Variants in GAD2 observed in about 807,000 individuals in gnomAD.
GAD2 encodes the protein 65 kDa glutamic acid decarboxylase.
Under a neutral mutation model 80.1 loss-of-function variants are expected in GAD2, and 22 were observed. The observed-to-expected ratio is 0.27, with a 90% confidence interval of 0.20 to 0.39. The LOEUF is 0.39. Ranked by LOEUF, GAD2 falls within the 10% of genes least tolerant of loss-of-function variation. The pLI, the probability that GAD2 is intolerant of heterozygous loss-of-function variation, is 1.00. For synonymous variants in GAD2, 274 were observed against 256.9 expected, an observed-to-expected ratio of 1.07 and a Z score of -0.64; for missense variants, 624 against 738.4, an observed-to-expected ratio of 0.85 and a Z score of 1.80.
At chr10:26,230,901 A>G (rs1385754593) in intron 7 of GAD2, among the ~76,000 whole-genome samples, 2 of 152,078 alleles carry the variant, frequency 1.3e-5, no homozygotes, top group African/African-American at 4.8e-5. Context: ...CAGCCTGACC[A>G]ACATGGTGAA....
chr10:26,254,200 C>A (rs1844917014), intron 8 of GAD2, among the ~76,000 whole-genome samples: 1 of 152,150 alleles, frequency 6.6e-6, no homozygotes, highest in African/African-American at 2.4e-5. Flanking sequence ...GCACGCCTGG[C>A]TAATTTTTTT....
At chr10:26,292,265 A>G (rs147341634) in intron 13 of GAD2, among the ~76,000 whole-genome samples, 200 bp from the exon 14 acceptor site, 20 of 152,312 alleles carry the variant, frequency 1.3e-4, no homozygotes, top group Non-Finnish European at 2.8e-4. Flanking sequence ...AGAAAGCAGT[A>G]ATGAAAGGGA....
At chr10:26,255,759 T>C (rs1048318262) in intron 8 of GAD2, among the ~76,000 whole-genome samples, 2 of 152,274 alleles carry the variant, frequency 1.3e-5, no homozygotes, top group African/African-American at 2.4e-5. Context: ...TTATTGAGTT[T>C]CCTAGTCTTT....
chr10:26,256,691 T>G (rs573208624), intron 8 of GAD2, among the ~76,000 whole-genome samples: 1 of 152,242 alleles, frequency 6.6e-6, no homozygotes, highest in Non-Finnish European at 1.5e-5. Flanking sequence ...GAGGTGAAGT[T>G]TGGCTTTCTT....
chr10:26,217,033 G>A lies in GAD2; in HGVS notation c.76+148G>A, dbSNP rs1352098088. ...CCTGCTTTTGGGCTAAGTCCTTGAC[G>A]GCCCAAGAGCTCAAGACCTCTACAG... On this transcript the variant is annotated intron_variant, in intron 1 of 15. Coordinates refer to ENST00000376261, the MANE Select transcript of GAD2 (RefSeq NM_001134366.2). The surrounding 1 kb of genome is among the most constrained non-coding windows in gnomAD (Gnocchi z 4.9). 4 of 648,180 alleles carry A rather than the reference G, an allele frequency of 6.2e-6. No homozygotes were observed. Among genetic ancestry groups the A allele is most frequent in the African/African-American group, 3.8e-5 (2 of 53,178 alleles). The allele number at this position is 648,180 out of a possible 1,614,324, so 40.2% of individuals were successfully genotyped here. A position where few individuals can be genotyped will look rare whatever the true frequency, so the allele number is the denominator to read the frequency against.
At chr10:26,269,762 G>GT in intron 9 of GAD2, among the ~76,000 whole-genome samples, 1 of 152,310 alleles carries the variant, frequency 6.6e-6, no homozygotes, top group South Asian at 2.1e-4. Flanking sequence ...ATAACCTACA[G>GT]TTTCTGATTT....
intron 6 of GAD2, among the ~76,000 whole-genome samples, chr10:26,229,284 GA>G (rs113083558): frequency 3.5e-4 from 50 of 143,394 alleles, no homozygotes; most frequent in Non-Finnish European, 3.8e-4. Context: ...GAGTTGAAAT[GA>G]AAAAAAAAAA....
chr10:26,233,001 T>C (rs569701880), intron 7 of GAD2, among the ~76,000 whole-genome samples: 17 of 152,166 alleles, frequency 1.1e-4, no homozygotes, highest in Non-Finnish European at 2.1e-4. Flanking sequence ...TGACAAATAG[T>C]TTTTTTAATA....
chr10:26,286,852 A>C (rs2132316223), intron 13 of GAD2, among the ~76,000 whole-genome samples: 1 of 152,334 alleles, frequency 6.6e-6, no homozygotes, highest in South Asian at 2.1e-4. Context: ...AGGTGAATGC[A>C]ATCTGAAAGT....
chr10:26,304,378 CTGAATG>C lies in GAD2; in HGVS notation c.*3418_*3423del, dbSNP rs1834359392. ...AACTACCGTTCCCAAATTGGTGTTTCTGAATGACATCAACATTCCCCCAACATTACT... is the reference window on the plus strand; with the variant it reads ...AACTACCGTTCCCAAATTGGTGTTTCACATCAACATTCCCCCAACATTACT... On this transcript the variant is annotated 3_prime_UTR_variant, in exon 16 of 16. Coordinates refer to ENST00000376261, the MANE Select transcript of GAD2 (RefSeq NM_001134366.2). 6.6e-6 allele frequency: 1 copy of C among 152,562 alleles called. No individual in the cohort carries two copies. Among genetic ancestry groups the C allele is most frequent in the Non-Finnish European group, 1.5e-5 (1 of 68,024 alleles). 9.5% of individuals were successfully genotyped at this position (152,562 alleles called of 1,614,324 possible).
intron 7 of GAD2, among the ~76,000 whole-genome samples, chr10:26,236,887 C>A (rs1844678758): frequency 6.6e-6 from 1 of 152,172 alleles, no homozygotes; most frequent in Non-Finnish European, 1.5e-5. Context: ...TTCTCCTCTA[C>A]CCAGTCCATC....
intron 4 of GAD2, 36 bp downstream of exon 4, chr10:26,219,312 C>T (rs527660369): frequency 7.8e-7 from 1 of 1,290,194 alleles, no homozygotes; most frequent in Non-Finnish European, 1.1e-6. Flanking sequence ...GCTCTTTTTT[C>T]GTTTACAATT....
chr10:26,291,451 A>G (rs751659886), intron 13 of GAD2, among the ~76,000 whole-genome samples: 41 of 140,234 alleles, frequency 2.9e-4, no homozygotes, highest in Non-Finnish European at 5.7e-4. Context: ...TTCTGAACCC[A>G]TTTGATATCT....
intron 4 of GAD2, among the ~76,000 whole-genome samples, chr10:26,223,313 G>A (rs1177537664): frequency 6.6e-6 from 1 of 152,106 alleles, no homozygotes; most frequent in East Asian, 1.9e-4. Context: ...TTGAATCCAG[G>A]GCAAATCATT....
intron 9 of GAD2, among the ~76,000 whole-genome samples, chr10:26,269,817 G>T (rs1032657465): frequency 6.6e-6 from 1 of 152,180 alleles, no homozygotes; most frequent in Non-Finnish European, 1.5e-5. Context: ...CAGAAATAAT[G>T]ATTTACGTTC....
chr10:26,285,591 TA>T (rs1289270226), intron 12 of GAD2, among the ~76,000 whole-genome samples: 4 of 152,204 alleles, frequency 2.6e-5, no homozygotes, highest in Admixed American at 6.5e-5. Flanking sequence ...CCCATTTCCA[TA>T]GTAAGGTTAC....
intron 13 of GAD2, among the ~76,000 whole-genome samples, chr10:26,291,836 T>C (rs1834216865): frequency 6.6e-6 from 1 of 152,166 alleles, no homozygotes; most frequent in South Asian, 2.1e-4. Flanking sequence ...AGCCAGAAAC[T>C]AAAAGAAATC....
rs111862066 is a variant in GAD2, at chr10:26,236,727, T to C, written c.840+6950T>C. ...GCTGTTTGGGCAATTTGGAAACAGA[T>C]GACTTCCACAAAATGTATTGCTCCC... On this transcript the variant is annotated intron_variant, in intron 7 of 15. Coordinates refer to ENST00000376261, the MANE Select transcript of GAD2 (RefSeq NM_001134366.2). Among the ~76,000 whole-genome samples, 553 of 152,330 alleles carry C rather than the reference T, an allele frequency of 3.6e-3. 6 individuals are homozygous for C. The highest frequency in any genetic ancestry group is 0.013 in the African/African-American group (522 of 41,576).
chr10:26,271,338 A>C (rs1189420672), intron 10 of GAD2, among the ~76,000 whole-genome samples: 1 of 152,208 alleles, frequency 6.6e-6, no homozygotes, highest in African/African-American at 2.4e-5. Context: ...GTCACACTAA[A>C]AAATAATGAA....
Sources: allele counts gnomAD v4.1 joint callset (sites outside exome capture counted in the v4.1 genomes callset), GRCh38; gene constraint gnomAD v4.1.1; non-coding constraint Gnocchi (gnomAD v3.1); transcripts MANE v1.5; gene names NCBI Gene and HGNC (gene_info 2026-07-23, HGNC 2026-07-21).